SETBP1: variants seen among roughly 807,000 people sequenced by gnomAD.
SETBP1 encodes the protein SET-binding protein.
In SETBP1, 9 loss-of-function variants were observed where a neutral mutation model predicts 101.0. That is an observed-to-expected ratio of 0.09 (90% CI 0.05 to 0.16). The LOEUF is 0.16. SETBP1 is among the 10% of genes least tolerant of loss of function. SETBP1 has a pLI of 1.00. For synonymous variants in SETBP1, 818 were observed against 788.5 expected (o/e 1.04, Z -0.63); for missense variants, 1,858 against 2,033.8 (o/e 0.91, Z 1.66).
In SETBP1 at chr18:45,038,542, G is replaced by T. The variant is rs1486460574; in HGVS notation, c.4058G>T (p.Gly1353Val). ...DQTAVHSKNE[G>V]SVPTMMTRKK... ...ACAGCAGTGCATAGTAAGAACGAAGGCTCAGTGCCCACCATGATGACCAGG... is the reference window on the plus strand; with the variant it reads ...ACAGCAGTGCATAGTAAGAACGAAGTCTCAGTGCCCACCATGATGACCAGG... Residue 1353 changes from glycine to valine, a missense_variant, in exon 5 of 6, where the codon GGC becomes GTC. Coordinates refer to ENST00000649279, the MANE Select transcript of SETBP1 (RefSeq NM_015559.3). The T allele has an allele frequency of 6.2e-7, 1 of 1,614,008 alleles. No individual in the cohort carries two copies. The highest frequency in any genetic ancestry group is 1.7e-5 in the Admixed American group (1 of 59,988).
intron 2 of SETBP1, among the ~76,000 whole-genome samples, chr18:44,843,621 C>T (rs2072665950): frequency 6.6e-6 from 1 of 152,128 alleles, no homozygotes; most frequent in Non-Finnish European, 1.5e-5. Context: ...AGGGTCCCCA[C>T]AGTGGTCATG....
Position 44,933,538 on chromosome 18 carries a change from C to G in SETBP1, c.541-16343C>G, listed in dbSNP as rs376361515. On this transcript the variant is annotated intron_variant, in intron 3 of 5. Coordinates refer to ENST00000649279, the MANE Select transcript of SETBP1 (RefSeq NM_015559.3). ...CTGCTGCTTTTTGTTCAGCTATGCC[C>G]TGCCCTCAGAGGTGGAGTCTACTGA... Among the ~76,000 whole-genome samples the G allele has an allele frequency of 5.2e-5, 8 of 152,384 alleles. 1 individual carries two copies. Among genetic ancestry groups the G allele is most frequent in the South Asian group, 2.1e-4 (1 of 4,830 alleles).
chr18:44,770,074 C>T (rs1442454887), intron 2 of SETBP1, among the ~76,000 whole-genome samples: 1 of 152,200 alleles, frequency 6.6e-6, no homozygotes, highest in Non-Finnish European at 1.5e-5. Context: ...CCTCTTTCCC[C>T]TCCTCCCAGC....
rs185213931 is a variant in SETBP1, at chr18:44,865,777, A to G, written c.487-3453A>G. ...AGAAAGGCAAGGGGGTTGTGACGTA[A>G]TGGTGAGGAAAGACACACTGTTGTA... On this transcript the variant is annotated intron_variant, in intron 2 of 5. Coordinates refer to ENST00000649279, the MANE Select transcript of SETBP1 (RefSeq NM_015559.3). Among the ~76,000 whole-genome samples the G allele has an allele frequency of 2.0e-5, 3 of 152,284 alleles. No individual in the cohort carries two copies. In the East Asian group the frequency reaches 5.8e-4, roughly 29 times the overall value.
intron 2 of SETBP1, among the ~76,000 whole-genome samples, chr18:44,742,375 G>A (rs926571861): frequency 6.6e-6 from 1 of 152,174 alleles, no homozygotes; most frequent in Non-Finnish European, 1.5e-5. Flanking sequence ...TTTTGCTCTG[G>A]TTTCATGTCC....
Position 44,952,005 on chromosome 18 carries a change from C to G in SETBP1, c.2665C>G (p.Arg889Gly). 6.2e-7 allele frequency: 1 copy of G among 1,613,944 alleles called. No individual in the cohort carries two copies. The change falls in exon 4 of 6, where the codon CGA becomes GGA. Residue 889 changes from arginine (R) to glycine (G), a missense_variant. Arg to Gly is a moderately radical substitution (Grantham distance 125). Transcript: ENST00000649279. ...CCAAGCGGAGAAGAGCTCAGAATCC[C>G]GAAGGAGGTACTCTTTTGATTTCTG... ...SDQAEKSSES[R>G]RRYSFDFCSL...
Position 44,811,312 on chromosome 18 carries a change from T to A in SETBP1, c.487-57918T>A, listed in dbSNP as rs564602375. On this transcript the variant is annotated intron_variant, in intron 2 of 5. Coordinates refer to ENST00000649279, the MANE Select transcript of SETBP1 (RefSeq NM_015559.3). ...ATCCAGGCAGAGATGTTTAAATGAATACACATACACACGTGCTCACACATA... is the reference window on the plus strand; with the variant it reads ...ATCCAGGCAGAGATGTTTAAATGAAAACACATACACACGTGCTCACACATA... Among the ~76,000 whole-genome samples the A allele has an allele frequency of 2.6e-5, 4 of 152,392 alleles. No homozygotes were observed. The East Asian group carries it at 7.7e-4, about 29-fold the overall frequency.
chr18:44,869,487 C>T (rs1291859862), intron 3 of SETBP1: 8 of 613,630 alleles, frequency 1.3e-5, no homozygotes, highest in Non-Finnish European at 2.3e-5. Context: ...CCTCTTTCTG[C>T]TCTTTCGTTC....
At chr18:44,823,251 T>C (rs1346255727) in intron 2 of SETBP1, among the ~76,000 whole-genome samples, 33 of 152,250 alleles carry the variant, frequency 2.2e-4, no homozygotes, top group Admixed American at 2.2e-3. Context: ...TACTGGTTAC[T>C]TGCAAGCTTT....
At chr18:44,940,625 G>A (rs1391059871) in intron 3 of SETBP1, among the ~76,000 whole-genome samples, 1 of 151,854 alleles carries the variant, frequency 6.6e-6, no homozygotes, top group Non-Finnish European at 1.5e-5. Context: ...CATATAAGAA[G>A]ATTACGAATG....
At chr18:45,028,685 T>C (rs536371010) in intron 4 of SETBP1, among the ~76,000 whole-genome samples, 15 of 152,330 alleles carry the variant, frequency 9.8e-5, no homozygotes, top group African/African-American at 3.6e-4. Context: ...GTTTCCTGAC[T>C]TTTTAATGAT....
At chr18:44,824,113 C>G (rs1218645413) in intron 2 of SETBP1, among the ~76,000 whole-genome samples, 1 of 152,028 alleles carries the variant, frequency 6.6e-6, no homozygotes, top group African/African-American at 2.4e-5. Flanking sequence ...AAGTGGCTGC[C>G]TGTGTGTGTG....
At chr18:44,982,541 G>T (rs2072138059) in intron 4 of SETBP1, among the ~76,000 whole-genome samples, 1 of 152,180 alleles carries the variant, frequency 6.6e-6, no homozygotes, top group African/African-American at 2.4e-5. Flanking sequence ...TCAAGCAAGA[G>T]CATAGCTTTT....
chr18:44,822,039 C>G (rs1303301504), intron 2 of SETBP1, among the ~76,000 whole-genome samples: 1 of 152,220 alleles, frequency 6.6e-6, no homozygotes, highest in East Asian at 1.9e-4. Context: ...ACTTGTCTCT[C>G]CCTTTATTTC....
intron 2 of SETBP1, among the ~76,000 whole-genome samples, chr18:44,830,704 T>G (rs1195755736): frequency 6.6e-6 from 1 of 152,228 alleles, no homozygotes; most frequent in Non-Finnish European, 1.5e-5. Context: ...AGAATACAAT[T>G]TTATTCTCAT....
intron 2 of SETBP1, among the ~76,000 whole-genome samples, chr18:44,732,358 A>G (rs965047769): frequency 1.3e-4 from 20 of 152,180 alleles, no homozygotes; most frequent in African/African-American, 4.8e-4. Flanking sequence ...TGTCTTCTGC[A>G]TGTACGATCA....
intron 3 of SETBP1, among the ~76,000 whole-genome samples, chr18:44,948,741 A>G (rs2071270098): frequency 6.6e-6 from 1 of 152,244 alleles, no homozygotes; most frequent in Non-Finnish European, 1.5e-5. Context: ...CTTAAAATTC[A>G]TCTGGAACAG....
intron 1 of SETBP1, among the ~76,000 whole-genome samples, chr18:44,693,629 C>G (rs1032505584): frequency 6.6e-6 from 1 of 152,164 alleles, no homozygotes; most frequent in African/African-American, 2.4e-5. Flanking sequence ...GAATAATCAA[C>G]CACTCCCAAA....
chr18:44,897,515 G>A (rs1317178669), intron 3 of SETBP1, among the ~76,000 whole-genome samples: 2 of 152,066 alleles, frequency 1.3e-5, no homozygotes, highest in African/African-American at 2.4e-5. Flanking sequence ...GGGACACATC[G>A]GGCTCATTTT....
Sources: allele counts gnomAD v4.1 joint callset (sites outside exome capture counted in the v4.1 genomes callset), GRCh38; gene constraint gnomAD v4.1.1; transcripts MANE v1.5; gene names NCBI Gene and HGNC (gene_info 2026-07-23, HGNC 2026-07-21).